Variants in NUP50 observed in about 807,000 individuals in gnomAD.
NUP50 encodes the protein nucleoporin 50.
A neutral mutation model predicts 36.8 loss-of-function variants in NUP50; 14 were observed. The ratio of observed to expected loss-of-function variants is 0.38; its 90% CI spans 0.25 to 0.59. The LOEUF (loss-of-function observed/expected upper bound fraction) is 0.59. Ranked by LOEUF, NUP50 falls within the 20% of genes least tolerant of loss-of-function variation. The probability of loss-of-function intolerance (pLI) is 0.63; values close to 1 mark genes in which losing one functional copy is unlikely to be tolerated. For synonymous variants in NUP50, 195 were observed against 210.8 expected (o/e 0.93, Z 0.65); for missense variants, 455 against 564.6 (o/e 0.81, Z 1.97).
chr22:45,174,075 T>C (rs1156659547), intron 3 of NUP50, among the ~76,000 whole-genome samples: 1 of 152,150 alleles, frequency 6.6e-6, no homozygotes, highest in Admixed American at 6.5e-5. Flanking sequence ...ATACATAGTA[T>C]TAATTTTTCC....
chr22:45,176,340 C>T (rs369155247), intron 4 of NUP50, among the ~76,000 whole-genome samples: 3 of 152,164 alleles, frequency 2.0e-5, no homozygotes, highest in Admixed American at 6.5e-5. Context: ...CTCTAGGCCT[C>T]AGAATGTTCA....
intron 3 of NUP50, among the ~76,000 whole-genome samples, chr22:45,173,527 C>T (rs910153843): frequency 2.6e-5 from 4 of 152,038 alleles, no homozygotes; most frequent in African/African-American, 9.7e-5. Context: ...GGCCTTGGTA[C>T]ACTCAAGTGG....
chr22:45,178,961 C>A, intron 5 of NUP50, 61 bp downstream of exon 5: 1 of 1,490,216 alleles, frequency 6.7e-7, no homozygotes, highest in Non-Finnish European at 9.1e-7. Context: ...CTTGGGAAAC[C>A]CAGAGACTTT....
rs781225721 is a variant in NUP50, at chr22:45,168,171, C to T, written c.-7C>T. 20 of 1,604,680 alleles carry T rather than the reference C, an allele frequency of 1.2e-5. No homozygotes were observed. The highest frequency in any genetic ancestry group is 4.5e-5 in the East Asian group (2 of 44,712). On this transcript the variant is annotated 5_prime_UTR_variant, in exon 2 of 8. It introduces an in-frame stop codon into an upstream open reading frame of the 5' UTR. Coordinates refer to ENST00000347635, the MANE Select transcript of NUP50 (RefSeq NM_007172.4). ...TCTTCTGTTTTCTATAACTTAGGTTCGAAAACATGGCCAAAAGAAATGCCG... is the reference window on the plus strand; with the variant it reads ...TCTTCTGTTTTCTATAACTTAGGTTTGAAAACATGGCCAAAAGAAATGCCG...
At position 45,178,882 on chromosome 22, in the gene NUP50, G is replaced by A; in HGVS notation, c.985G>A (p.Asp329Asn). ...ACCATTGGAGGGCCAAGCAGAAGGTGACAGTGGTGAATGCAAAGGTAAGTA... is the reference window on the plus strand; with the variant it reads ...ACCATTGGAGGGCCAAGCAGAAGGTAACAGTGGTGAATGCAAAGGTAAGTA... ...TKPLEGQAEG[D>N]SGECKGGDEE... is the part of the protein sequence containing the mutation. Residue 329 changes from aspartate (D) to asparagine (N), a missense_variant, in exon 5 of 8, where the codon GAC (aspartate) becomes AAC (asparagine). By Grantham distance (23) the Asp-to-Asn change is conservative. Coordinates refer to ENST00000347635, the MANE Select transcript of NUP50 (RefSeq NM_007172.4). 1.2e-6 allele frequency: 2 copies of A among 1,612,942 alleles called. No homozygotes were observed.
chr22:45,169,774 A>T (rs1302750107), intron 2 of NUP50, among the ~76,000 whole-genome samples: 2 of 152,208 alleles, frequency 1.3e-5, no homozygotes, highest in African/African-American at 4.8e-5. Context: ...GTTACTTAGT[A>T]GACCGTGAAA....
chr22:45,167,541 A>G (rs747025493), intron 1 of NUP50, among the ~76,000 whole-genome samples: 3 of 152,214 alleles, frequency 2.0e-5, no homozygotes, highest in Non-Finnish European at 2.9e-5. Context: ...ATAAGTTCCC[A>G]GAATACTAAC....
Position 45,186,997 on chromosome 22 carries a change from T to C in NUP50, c.*2342T>C, listed in dbSNP as rs2083454938. The C allele has an allele frequency of 6.6e-6, 1 of 152,232 alleles. No homozygotes were observed. The allele number at this position is 152,232 out of a possible 1,614,324, so 9.4% of individuals were successfully genotyped here. A position where few individuals can be genotyped will look rare whatever the true frequency, so the allele number is the denominator to read the frequency against. On this transcript the variant is annotated 3_prime_UTR_variant, in exon 8 of 8. Transcript: ENST00000347635. The stretch of plus-strand genomic sequence containing the variant: ...TTTATGCGTTTAGTTTGACTTATTT[T>C]TAACAAAATATTAGAAGTTATGCTT...
Position 45,184,951 on chromosome 22 carries a change from T to C in NUP50, c.*296T>C, listed in dbSNP as rs1165280744. ...TAAGTGATTTCTTCAAGGACTGCAA[T>C]CAGGGTATCAATTTGCTTTCCCAAA... is the stretch of plus-strand genomic sequence containing the variant. On this transcript the variant is annotated 3_prime_UTR_variant, in exon 8 of 8. Transcript: ENST00000347635. 1 of 400,838 alleles carries C rather than the reference T, an allele frequency of 2.5e-6. No individual in the cohort carries two copies. Among genetic ancestry groups the C allele is most frequent in the Non-Finnish European group, 4.6e-6 (1 of 217,468 alleles). The allele number at this position is 400,838 out of a possible 1,614,324, so 24.8% of individuals were successfully genotyped here. A position where few individuals can be genotyped will look rare whatever the true frequency, so the allele number is the denominator to read the frequency against.
At chr22:45,170,056 G>GT (rs2074161736) in intron 2 of NUP50, among the ~76,000 whole-genome samples, 1 of 151,666 alleles carries the variant, frequency 6.6e-6, no homozygotes, top group South Asian at 2.1e-4. Flanking sequence ...AGAAAATGCT[G>GT]ACGTACGCCG....
Position 45,178,591 on chromosome 22 carries a change from C to G in NUP50, c.694C>G (p.Gln232Glu). 1.2e-6 allele frequency: 2 copies of G among 1,611,932 alleles called. No homozygotes were observed. The highest frequency in any genetic ancestry group is 1.7e-6 in the Non-Finnish European group (2 of 1,179,842). ...CCTTTTTGGCTCAACAAAATTACAG[C>G]AAGAGTCAACGTTTTTGTTTCATGG... Reference protein sequence around the residue: ...PSLFGSTKLQQESTFLFHGNK... With the variant: ...PSLFGSTKLQEESTFLFHGNK... The change falls in exon 5 of 8, where the codon CAA becomes GAA. Residue 232 changes from glutamine (Q) to glutamate (E), a missense_variant. Gln to Glu is a conservative substitution (Grantham distance 29). This residue lies in a region of NUP50 where 287 missense variants were observed against 345.5 expected (regional missense o/e 0.83). Coordinates refer to ENST00000347635, the MANE Select transcript of NUP50 (RefSeq NM_007172.4).
rs764510608 is a variant in NUP50 at position 45,178,722 on chromosome 22, G to A, written c.825G>A (p.Lys275=). 2.0e-5 allele frequency: 32 copies of A among 1,613,232 alleles called. No individual in the cohort carries two copies. The South Asian group carries it at 3.5e-4, about 18-fold the overall frequency. Residue 275 remains lysine, a synonymous_variant, in exon 5 of 8, where the codon AAG becomes AAA. Coordinates refer to ENST00000347635, the MANE Select transcript of NUP50 (RefSeq NM_007172.4). ...CAAGTGCCTCATTTAATTTCGGCAA[G>A]AAAGTTGATAGCTCTGTTTTGGGCT... ...GATSASFNFG[K]KVDSSVLGSL... is the part of the protein sequence containing the mutation.
intron 2 of NUP50, 89 bp downstream of exon 2, chr22:45,168,335 C>CCTAAGT: frequency 1.1e-6 from 1 of 902,754 alleles, no homozygotes; most frequent in Non-Finnish European, 1.8e-6. Context: ...TGTGACAGAA[C>CCTAAGT]TAAAAGACCT....
chr22:45,166,701 A>T (rs527496966), intron 1 of NUP50, among the ~76,000 whole-genome samples: 10 of 152,152 alleles, frequency 6.6e-5, no homozygotes, highest in African/African-American at 2.4e-4. Context: ...CCGTACAGAG[A>T]CCTGGTTTCT....
At position 45,178,434 on chromosome 22, in the gene NUP50, CCT is replaced by C. The variant is rs1569052769; in HGVS notation, c.540_541del (p.Cys181Ter). 1 of 1,612,700 alleles carries C rather than the reference CCT, an allele frequency of 6.2e-7. No individual in the cohort carries two copies. Among genetic ancestry groups the C allele is most frequent in the Non-Finnish European group, 8.5e-7 (1 of 1,179,720 alleles). The stretch of plus-strand genomic sequence containing the variant: ...TAGTGAAGCACGTGAATACAAACCC[CCT>C]CTGTGATCTGACACCTATCTTTAAA... ...WIVKHVNTNP[L>X]CDLTPIFKDY... On this transcript the variant is annotated frameshift_variant, in exon 5 of 8. Coordinates refer to ENST00000347635, the MANE Select transcript of NUP50 (RefSeq NM_007172.4). LOFTEE classifies it high-confidence loss of function.
chr22:45,170,576 C>T (rs9626643), intron 2 of NUP50, among the ~76,000 whole-genome samples: 7,598 of 152,224 alleles, frequency 0.05, 503 homozygotes, highest in African/African-American at 0.14. Context: ...ACAAGTGTAT[C>T]TCCTCACATA....
At chr22:45,174,804 C>T (rs10854831) in intron 3 of NUP50, among the ~76,000 whole-genome samples, 3 of 152,212 alleles carry the variant, frequency 2.0e-5, no homozygotes, top group African/African-American at 4.8e-5. Flanking sequence ...ATACAAGTTA[C>T]AATTTTCCAT....
chr22:45,184,265 A>G (rs2074432184), intron 7 of NUP50, 188 bp from the exon 8 acceptor site: 3 of 607,948 alleles, frequency 4.9e-6, no homozygotes, highest in African/African-American at 1.9e-5. Flanking sequence ...CACTCCTCAC[A>G]GTGAGGGCAA....
rs1427055884 is a variant in NUP50, at chr22:45,186,445, A to G, written c.*1790A>G. Reference sequence around the variant, plus strand: ...AAAAGATGAAGAACTAAGGGGAACAAATTTAAGTTTGTTGCAACTTAGCCA... The same window carrying G: ...AAAAGATGAAGAACTAAGGGGAACAGATTTAAGTTTGTTGCAACTTAGCCA... On this transcript the variant is annotated 3_prime_UTR_variant, in exon 8 of 8. Transcript: ENST00000347635. The G allele has an allele frequency of 6.6e-6, 1 of 152,214 alleles. No individual in the cohort carries two copies. Among genetic ancestry groups the G allele is most frequent in the Non-Finnish European group, 1.5e-5 (1 of 68,038 alleles). The allele number at this position is 152,214 out of a possible 1,614,324, so 9.4% of individuals were successfully genotyped here. A position where few individuals can be genotyped will look rare whatever the true frequency, so the allele number is the denominator to read the frequency against.
Sources: allele counts gnomAD v4.1 joint callset (sites outside exome capture counted in the v4.1 genomes callset), GRCh38; gene constraint gnomAD v4.1.1; regional missense constraint gnomAD v4.1.1; transcripts MANE v1.5; gene names NCBI Gene and HGNC (gene_info 2026-07-23, HGNC 2026-07-21).